The following DOCK5 variants were observed in gnomAD, a reference collection of about 807,000 sequenced individuals.
DOCK5 encodes the protein dedicator of cytokinesis protein 5.
Under a neutral mutation model 251.8 loss-of-function variants are expected in DOCK5, and 142 were observed. The ratio of observed to expected loss-of-function variants is 0.56; its 90% CI spans 0.49 to 0.65. The LOEUF (loss-of-function observed/expected upper bound fraction) is 0.65. Among genes scored for constraint, DOCK5 ranks in the 30% least tolerant of loss-of-function variants. The pLI is 0.00. For missense variants in DOCK5, 2,111 were observed against 2,312.3 expected, an observed-to-expected ratio of 0.91 and a Z score of 1.79; for synonymous variants, 842 against 835.5, an observed-to-expected ratio of 1.01 and a Z score of -0.13.
chr8:25,410,939 A>AATGTGTGTGTATG (rs1554513012), intron 51 of DOCK5, among the ~76,000 whole-genome samples: 2 of 102,062 alleles, frequency 2.0e-5, no homozygotes, highest in Admixed American at 1.1e-4. Flanking sequence ...GAGAGAGAAA[A>AATGTGTGTGTATG]TGTGTGTGTG....
At chr8:25,310,254 G>T (rs1214845780) in intron 12 of DOCK5, among the ~76,000 whole-genome samples, 153 bp from the exon 13 acceptor site, 1 of 152,082 alleles carries the variant, frequency 6.6e-6, no homozygotes, top group Non-Finnish European at 1.5e-5. Flanking sequence ...GATTTTAATG[G>T]AAGTGTCATT....
intron 27 of DOCK5, 65 bp from the exon 28 acceptor site, chr8:25,358,887 TCATGGGGCTCA>T (rs1202431288): frequency 1.5e-6 from 2 of 1,347,864 alleles, no homozygotes; most frequent in African/African-American, 2.9e-5. Flanking sequence ...AAAGCCAAGT[TCATGGGGCTCA>T]CATAGTGTTT....
In DOCK5 at chr8:25,374,231, T is replaced by C. The variant is rs370559305; in HGVS notation, c.3726-333T>C. ...AGAGGAAGGAATTGCTTCTGTACAG[T>C]AGTGGGGAGGGGGGTCAGGCAGGGA... On this transcript the variant is annotated intron_variant, in intron 36 of 51. Coordinates refer to ENST00000276440, the MANE Select transcript of DOCK5 (RefSeq NM_024940.8). 7.2e-4 allele frequency among the ~76,000 whole-genome samples: 109 copies of C among 151,934 alleles called. 2 individuals carry two copies. In the South Asian group the frequency reaches 0.017, roughly 23 times the overall value.
intron 4 of DOCK5, 90 bp downstream of exon 4, chr8:25,275,531 C>T (rs924096963): frequency 1.6e-6 from 2 of 1,287,076 alleles, no homozygotes; most frequent in Non-Finnish European, 2.2e-6. Context: ...GCCTTATGTA[C>T]GTTAATAGTT....
chr8:25,364,136 A>C (rs527972964), intron 29 of DOCK5, among the ~76,000 whole-genome samples: 1 of 152,212 alleles, frequency 6.6e-6, no homozygotes, highest in Non-Finnish European at 1.5e-5. Flanking sequence ...TATATATTAT[A>C]TTAAAAGAGT....
intron 5 of DOCK5, among the ~76,000 whole-genome samples, chr8:25,281,312 C>A (rs951515734): frequency 6.6e-6 from 1 of 151,860 alleles, no homozygotes; most frequent in Non-Finnish European, 1.5e-5. Context: ...CCTGTAATCC[C>A]AGCTACTCGG....
At chr8:25,222,739 G>A (rs764914866) in intron 1 of DOCK5, among the ~76,000 whole-genome samples, 2 of 152,128 alleles carry the variant, frequency 1.3e-5, no homozygotes, top group African/African-American at 2.4e-5. Context: ...CTCATCTTCC[G>A]CAAGCACCAA....
intron 14 of DOCK5, 154 bp downstream of exon 14, chr8:25,317,285 G>C: frequency 8.5e-7 from 1 of 1,178,928 alleles, no homozygotes; most frequent in Non-Finnish European, 1.2e-6. Context: ...GTGATTAGCA[G>C]TGAGCAGTTT....
At chr8:25,208,262 A>AAT (rs1489659942) in intron 1 of DOCK5, among the ~76,000 whole-genome samples, 1 of 152,214 alleles carries the variant, frequency 6.6e-6, no homozygotes. Context: ...ACAACCAAGG[A>AAT]TTTAGAATAA....
chr8:25,203,870 T>C (rs1384243799), intron 1 of DOCK5, among the ~76,000 whole-genome samples: 2 of 152,180 alleles, frequency 1.3e-5, no homozygotes, highest in Non-Finnish European at 1.5e-5. Flanking sequence ...TAGCTAACAG[T>C]TGTAAAACCT....
chr8:25,218,904 A>C (rs1802315225), intron 1 of DOCK5, among the ~76,000 whole-genome samples: 1 of 152,170 alleles, frequency 6.6e-6, no homozygotes, highest in Non-Finnish European at 1.5e-5. Context: ...CTTTTTAAAA[A>C]TCCAAGGAGC....
chr8:25,403,308 T>C (rs1801468523), intron 47 of DOCK5, among the ~76,000 whole-genome samples: 1 of 152,144 alleles, frequency 6.6e-6, no homozygotes, highest in Non-Finnish European at 1.5e-5. Flanking sequence ...TAGCAGAAAA[T>C]TATGACAACT....
At position 25,389,227 on chromosome 8, in the gene DOCK5, A is replaced by G; in HGVS notation, c.4268A>G (p.Lys1423Arg). The G allele has an allele frequency of 1.2e-6, 2 of 1,613,802 alleles. No homozygotes were observed. Among genetic ancestry groups the G allele is most frequent in the Non-Finnish European group, 1.7e-6 (2 of 1,179,770 alleles). The change falls in exon 41 of 52, where the codon AAG becomes AGG. Residue 1423 changes from lysine (K) to arginine (R), a missense_variant. Lys to Arg is a conservative substitution (Grantham distance 26). This residue lies in a region of DOCK5 where 1,717 missense variants were observed against 1,892.4 expected (regional missense o/e 0.91). Transcript: ENST00000276440. ...GGGGAAGACATCAAGTCGTCCCCCA[A>G]GCAGTGTATCCTTTCCGGGGGGAGT... ...PPGEDIKSSP[K>R]QYMQCFTVKP...
chr8:25,273,917 A>T (rs1803978272), intron 3 of DOCK5, among the ~76,000 whole-genome samples: 1 of 152,088 alleles, frequency 6.6e-6, no homozygotes, highest in Non-Finnish European at 1.5e-5. Flanking sequence ...CAGTAACGGG[A>T]TTAGAATTCA....
At position 25,387,429 on chromosome 8, in the gene DOCK5, C is replaced by CT. The variant is rs1358412983; in HGVS notation, c.4132-1661dup. On this transcript the variant is annotated intron_variant, in intron 40 of 51. Coordinates refer to ENST00000276440, the MANE Select transcript of DOCK5 (RefSeq NM_024940.8). ...GATCTTTGAATCAGCGTCGACTCCC[C>CT]TGTCTGCCCTGCCCTTCTCCCGACA... Among the ~76,000 whole-genome samples, 4 of 152,296 alleles carry CT rather than the reference C, an allele frequency of 2.6e-5. No homozygotes were observed. The East Asian group carries it at 7.7e-4, about 29-fold the overall frequency.
At chr8:25,316,499 C>G (rs1440923367) in intron 13 of DOCK5, among the ~76,000 whole-genome samples, 3 of 152,066 alleles carry the variant, frequency 2.0e-5, no homozygotes, top group Non-Finnish European at 4.4e-5. Flanking sequence ...GAAAAACATA[C>G]TCTATAGGCT....
chr8:25,319,289 G>A (rs1430528184), intron 14 of DOCK5, among the ~76,000 whole-genome samples: 1 of 152,218 alleles, frequency 6.6e-6, no homozygotes. Context: ...AATCAGAGGA[G>A]AATGCATGCC....
At chr8:25,221,625 A>G (rs988567755) in intron 1 of DOCK5, among the ~76,000 whole-genome samples, 5 of 152,030 alleles carry the variant, frequency 3.3e-5, no homozygotes, top group African/African-American at 1.2e-4. Context: ...CAAATCTTAA[A>G]TTCCACTTCT....
chr8:25,304,209 G>C (rs1804840994), intron 10 of DOCK5, 46 bp from the exon 11 acceptor site: 1 of 1,485,974 alleles, frequency 6.7e-7, no homozygotes, highest in South Asian at 1.3e-5. Flanking sequence ...AACTTACTGA[G>C]GCATGAAGCA....
Sources: allele counts gnomAD v4.1 joint callset (sites outside exome capture counted in the v4.1 genomes callset), GRCh38; gene constraint gnomAD v4.1.1; regional missense constraint gnomAD v4.1.1; transcripts MANE v1.5; gene names NCBI Gene and HGNC (gene_info 2026-07-23, HGNC 2026-07-21).